Variants in HK1 observed in about 807,000 individuals in gnomAD.
HK1 encodes hexokinase 1.
HK1 carries 28 observed loss-of-function variants against 91.6 expected under a neutral mutation model. The observed-to-expected ratio is 0.31, with a 90% CI of 0.23 to 0.42. The LOEUF (loss-of-function observed/expected upper bound fraction) is 0.42, where lower values mean the gene tolerates loss of function less well. HK1 is among the 10% of genes least tolerant of loss of function. The pLI is 1.00. For synonymous variants in HK1, 430 were observed against 468.1 expected (o/e 0.92, Z 1.05); for missense variants, 770 against 1,219.8 (o/e 0.63, Z 5.49).
At chr10:69,345,498 G>A (rs1375626618) in intron 2 of HK1, among the ~76,000 whole-genome samples, 1 of 152,178 alleles carries the variant, frequency 6.6e-6, no homozygotes, top group Non-Finnish European at 1.5e-5. Context: ...GGAGAGCTAT[G>A]TAGCAGAGGC....
At chr10:69,302,642 C>T (rs1314518458) in intron 5 of HK1, among the ~76,000 whole-genome samples, 16 of 151,158 alleles carry the variant, frequency 1.1e-4, no homozygotes, top group African/African-American at 3.9e-4. Flanking sequence ...GTGGTCCCAG[C>T]TACTTGGGAG....
At chr10:69,366,962 T>C (rs1589548417) in intron 4 of HK1, among the ~76,000 whole-genome samples, 1 of 151,600 alleles carries the variant, frequency 6.6e-6, no homozygotes, top group Non-Finnish European at 1.5e-5. Flanking sequence ...ATGGCCAGAG[T>C]GTATTTATTT....
chr10:69,325,411 G>T (rs998109956), intron 1 of HK1, among the ~76,000 whole-genome samples: 1 of 151,604 alleles, frequency 6.6e-6, no homozygotes, highest in Non-Finnish European at 1.5e-5. Flanking sequence ...AGGCTGGAAT[G>T]CAGTGATGTG....
At position 69,401,249 on chromosome 10, in the gene HK1, G is replaced by A. The variant is rs899187790; in HGVS notation, c.*114G>A. 15 of 1,227,242 alleles carry A rather than the reference G, an allele frequency of 1.2e-5. No individual in the cohort carries two copies. The highest frequency in any genetic ancestry group is 1.5e-5 in the African/African-American group (1 of 66,278). The allele number at this position is 1,227,242 out of a possible 1,614,324, so 76.0% of individuals were successfully genotyped here. ...CGCTGGCGCCAGGGCCTGCCGGCGC[G>A]GGGAGGAAAGCAAAATCCAACTAAT... is the stretch of plus-strand genomic sequence containing the variant. On this transcript the variant is annotated 3_prime_UTR_variant, in exon 18 of 18. Coordinates refer to ENST00000359426, the MANE Select transcript of HK1 (RefSeq NM_000188.3).
chr10:69,380,178 G>A lies in HK1; in HGVS notation c.1265+83G>A. On this transcript the variant is annotated intron_variant, in intron 9 of 17. Coordinates refer to ENST00000359426, the MANE Select transcript of HK1 (RefSeq NM_000188.3). The surrounding 1 kb of genome is among the most constrained non-coding windows in gnomAD (Gnocchi z 4.0). The stretch of plus-strand genomic sequence containing the variant: ...TCCAGAGATCAGACTTTTGTACCCG[G>A]TAAACGTTTTTCGGCAGACAAGACA... The A allele has an allele frequency of 8.6e-7, 1 of 1,165,384 alleles. No homozygotes were observed. The highest frequency in any genetic ancestry group is 1.3e-6 in the Non-Finnish European group (1 of 783,966). The allele number at this position is 1,165,384 out of a possible 1,614,324, so 72.2% of individuals were successfully genotyped here.
intron 2 of HK1, among the ~76,000 whole-genome samples, chr10:69,288,211 A>G (rs1486376031): frequency 6.6e-6 from 1 of 152,180 alleles, no homozygotes; most frequent in Admixed American, 6.5e-5. Flanking sequence ...TCTCCAAAGC[A>G]TGACTCTTTC....
intron 5 of HK1, among the ~76,000 whole-genome samples, chr10:69,309,282 C>T (rs565772254): frequency 4.0e-5 from 6 of 150,544 alleles, no homozygotes; most frequent in South Asian, 4.2e-4. Context: ...GCTGGGTTCA[C>T]GCCATTCTCC....
In HK1 at chr10:69,343,996, C is replaced by T. The variant is rs749997767; in HGVS notation, c.226+7C>T. 2 of 1,613,734 alleles carry T rather than the reference C, an allele frequency of 1.2e-6. No individual in the cohort carries two copies. The highest frequency in any genetic ancestry group is 1.1e-5 in the South Asian group (1 of 91,074). ...TCCATTCCTGATGGCTCTGGTAAGT[C>T]TGTCACCCAGAGATTGAACCCTGAG... On this transcript the variant is annotated splice_region_variant and intron_variant, in intron 2 of 17. Coordinates refer to ENST00000359426, the MANE Select transcript of HK1 (RefSeq NM_000188.3).
At chr10:69,367,209 C>T (rs1242047941) in intron 4 of HK1, among the ~76,000 whole-genome samples, 1 of 152,176 alleles carries the variant, frequency 6.6e-6, no homozygotes, top group Non-Finnish European at 1.5e-5. Flanking sequence ...CCTTCACCCC[C>T]TCTGGAGAAT....
upstream of HK1, chr10:69,315,911 C>T (rs774261440): frequency 2.9e-5 from 46 of 1,604,070 alleles, no homozygotes; most frequent in Admixed American, 5.0e-5. Flanking sequence ...CCTGTGGCAT[C>T]CCAGGTTCCT....
chr10:69,379,730 T>TCATCCCATAC, intron 8 of HK1, 132 bp from the exon 9 acceptor site: 2 of 771,004 alleles, frequency 2.6e-6, no homozygotes, highest in Non-Finnish European at 4.7e-6. Flanking sequence ...TTGACAGTCT[T>TCATCCCATAC]CATCCCATAC....
intron 5 of HK1, among the ~76,000 whole-genome samples, chr10:69,308,819 C>T (rs534651648): frequency 2.0e-5 from 3 of 152,252 alleles, no homozygotes; most frequent in African/African-American, 7.2e-5. Flanking sequence ...TTTGGATGAG[C>T]AGTTCACAAT....
chr10:69,380,822 C>G lies in HK1; in HGVS notation c.1265+727C>G, dbSNP rs1046355564. On this transcript the variant is annotated intron_variant, in intron 9 of 17. Coordinates refer to ENST00000359426, the MANE Select transcript of HK1 (RefSeq NM_000188.3). This position sits in a 1 kb window ranked among gnomAD's most constrained non-coding sequence, Gnocchi z 4.0. ...CGTGGCTTATACTTTTTTTAAAAGG[C>G]TAAAGGGAAATTCTAAGTCATTATT... 6.6e-6 allele frequency among the ~76,000 whole-genome samples: 1 copy of G among 152,112 alleles called. No individual in the cohort carries two copies. Among genetic ancestry groups the G allele is most frequent in the Non-Finnish European group, 1.5e-5 (1 of 68,016 alleles).
chr10:69,279,518 G>A (rs1337312123), intron 1 of HK1, among the ~76,000 whole-genome samples: 1 of 152,196 alleles, frequency 6.6e-6, no homozygotes, highest in Non-Finnish European at 1.5e-5. Flanking sequence ...GTGCAGAATG[G>A]TTAAATGAAT....
Position 69,382,618 on chromosome 10 carries a change from A to G in HK1, c.1397A>G (p.Gln466Arg). 6.2e-7 allele frequency: 1 copy of G among 1,614,206 alleles called. No homozygotes were observed. Among genetic ancestry groups the G allele is most frequent in the Non-Finnish European group, 8.5e-7 (1 of 1,180,024 alleles). Residue 466 changes from glutamine (Q) to arginine (R), a missense_variant, in exon 10 of 18, where the codon CAG becomes CGG. By Grantham distance (43) the Gln-to-Arg change is conservative (BLOSUM62 1). This residue lies in a region of HK1 where 449 missense variants were observed against 665.1 expected (regional missense o/e 0.68). Transcript: ENST00000359426. ...GCGGTGGCCTACCGCTTGGCCGAGC[A>G]GCACCGGCAGATAGAGGAGACCCTG... ...VTAVAYRLAE[Q>R]HRQIEETLAH...
intron 17 of HK1, among the ~76,000 whole-genome samples, chr10:69,399,609 C>G (rs1335733018): frequency 6.6e-6 from 1 of 152,120 alleles, no homozygotes; most frequent in African/African-American, 2.4e-5. Flanking sequence ...GGGCCCTGGG[C>G]TTCATGGCAG....
intron 2 of HK1, among the ~76,000 whole-genome samples, chr10:69,348,692 T>G (rs981092734): frequency 6.6e-6 from 1 of 151,942 alleles, no homozygotes; most frequent in African/African-American, 2.4e-5. Context: ...GTGCCTGTAA[T>G]CCCAGCTACC....
intron 8 of HK1, among the ~76,000 whole-genome samples, chr10:69,377,407 C>T (rs758699880): frequency 6.6e-6 from 1 of 150,920 alleles, no homozygotes; most frequent in Admixed American, 6.6e-5. Flanking sequence ...GTAAGATTAG[C>T]GTCCAGGAAG....
intron 7 of HK1, among the ~76,000 whole-genome samples, chr10:69,373,406 T>A (rs911691117): frequency 3.3e-5 from 5 of 152,194 alleles, no homozygotes; most frequent in African/African-American, 1.2e-4. Flanking sequence ...CTTTGAGTGT[T>A]CAGGCCCCAC....
Sources: gnomAD v4.1 joint callset for allele counts (sites outside exome capture counted in the v4.1 genomes callset) on GRCh38, gnomAD v4.1.1 for gene constraint, gnomAD v4.1.1 regional missense constraint, Gnocchi (gnomAD v3.1) non-coding constraint, MANE v1.5 for transcripts, NCBI Gene and HGNC (gene_info 2026-07-23, HGNC 2026-07-21) for gene names.